RNGTT: variants seen among roughly 807,000 people sequenced by gnomAD.
RNGTT encodes mRNA-capping enzyme.
A neutral mutation model predicts 79.3 loss-of-function variants in RNGTT; 33 were observed. That is an observed-to-expected ratio of 0.42 (90% confidence interval 0.32 to 0.56). The LOEUF (loss-of-function observed/expected upper bound fraction) is 0.56, where lower values mean the gene tolerates loss of function less well. Ranked by LOEUF, RNGTT falls within the 20% of genes least tolerant of loss-of-function variation. The probability of loss-of-function intolerance (pLI) is 0.17; values close to 1 mark genes in which losing one functional copy is unlikely to be tolerated. For synonymous variants in RNGTT, 222 were observed against 235.9 expected (o/e 0.94, Z 0.54); for missense variants, 497 against 739.1 (o/e 0.67, Z 3.80).
intron 14 of RNGTT, 97 bp from the exon 15 acceptor site, chr6:88,614,492 TC>T (rs1772148599): frequency 8.8e-7 from 1 of 1,137,908 alleles, no homozygotes; most frequent in Admixed American, 2.0e-5. Flanking sequence ...TAAAAATACC[TC>T]AGTAACTCTT....
chr6:88,798,381 C>G (rs1030657505), intron 12 of RNGTT, among the ~76,000 whole-genome samples: 1 of 151,840 alleles, frequency 6.6e-6, no homozygotes, highest in African/African-American at 2.4e-5. Context: ...GCGAGGATTG[C>G]TTGAACCCAG....
intron 8 of RNGTT, among the ~76,000 whole-genome samples, chr6:88,871,440 G>A (rs1211257528): frequency 6.6e-6 from 1 of 151,778 alleles, no homozygotes; most frequent in East Asian, 1.9e-4. Context: ...TTAACCTCAA[G>A]AGATGGAGCT....
chr6:88,625,847 G>T (rs1772610543), intron 14 of RNGTT, among the ~76,000 whole-genome samples: 1 of 151,862 alleles, frequency 6.6e-6, no homozygotes, highest in African/African-American at 2.4e-5. Context: ...AGCACTAAAT[G>T]ACATAGCCCT....
At chr6:88,769,612 C>G (rs577586180) in intron 13 of RNGTT, among the ~76,000 whole-genome samples, 162 bp downstream of exon 13, 1 of 151,870 alleles carries the variant, frequency 6.6e-6, no homozygotes, top group Non-Finnish European at 1.5e-5. Flanking sequence ...TCTCTGAAAA[C>G]GAAATTGTTG....
At chr6:88,920,278 A>G (rs1784125458) in intron 4 of RNGTT, among the ~76,000 whole-genome samples, 1 of 152,256 alleles carries the variant, frequency 6.6e-6, no homozygotes, top group African/African-American at 2.4e-5. Flanking sequence ...TAGTATTTGC[A>G]TATGACCTAT....
At chr6:88,672,238 TAC>T (rs1211131649) in intron 14 of RNGTT, among the ~76,000 whole-genome samples, 42 of 150,432 alleles carry the variant, frequency 2.8e-4, no homozygotes, top group African/African-American at 5.2e-4. Flanking sequence ...CACATATATA[TAC>T]ACACACACAC....
intron 14 of RNGTT, among the ~76,000 whole-genome samples, chr6:88,632,971 G>A (rs1240138105): frequency 2.0e-5 from 3 of 152,090 alleles, no homozygotes; most frequent in Non-Finnish European, 4.4e-5. Flanking sequence ...GTCCTGGCTG[G>A]GCAAATGCTC....
chr6:88,669,037 G>A lies in RNGTT; in HGVS notation c.1506+9316C>T, dbSNP rs1185442328. On this transcript the variant is annotated intron_variant, in intron 14 of 15. Coordinates refer to ENST00000369485, the MANE Select transcript of RNGTT (RefSeq NM_003800.5). ...AAAAAGTAATTCATCTTGCACCTCC[G>A]GTAACTGTAACCCATTAGAATTAAT... 3.9e-5 allele frequency among the ~76,000 whole-genome samples: 6 copies of A among 152,070 alleles called. No individual in the cohort carries two copies. The South Asian group carries it at 6.2e-4, about 16-fold the overall frequency.
At chr6:88,730,092 C>T (rs1050424619) in intron 13 of RNGTT, among the ~76,000 whole-genome samples, 1 of 152,044 alleles carries the variant, frequency 6.6e-6, no homozygotes, top group African/African-American at 2.4e-5. Flanking sequence ...ACAACTAAGC[C>T]AAGACATGTT....
intron 13 of RNGTT, among the ~76,000 whole-genome samples, chr6:88,683,805 A>T (rs1208925603): frequency 6.6e-6 from 1 of 152,178 alleles, no homozygotes; most frequent in Admixed American, 6.5e-5. Flanking sequence ...ACTTGAGGCC[A>T]AGAGTTCCAG....
At chr6:88,841,867 C>T (rs1361486842) in intron 11 of RNGTT, among the ~76,000 whole-genome samples, 1 of 152,166 alleles carries the variant, frequency 6.6e-6, no homozygotes, top group Non-Finnish European at 1.5e-5. Flanking sequence ...CTTCTGAATG[C>T]CAAATGTGCC....
At chr6:88,667,000 G>A (rs1327858926) in intron 14 of RNGTT, among the ~76,000 whole-genome samples, 2 of 152,210 alleles carry the variant, frequency 1.3e-5, no homozygotes, top group Admixed American at 1.3e-4. Flanking sequence ...AAATTTTACA[G>A]TTATTAGAAG....
At position 88,903,808 on chromosome 6, in the gene RNGTT, C is replaced by T. The variant is rs117973991; in HGVS notation, c.684+907G>A. On this transcript the variant is annotated intron_variant, in intron 6 of 15. Transcript: ENST00000369485. Reference sequence around the variant, plus strand: ...TTTCATTAACACAATTACCTCCATACTTTCCCTAACTTTTCCCTTTGGCCT... The same window carrying T: ...TTTCATTAACACAATTACCTCCATATTTTCCCTAACTTTTCCCTTTGGCCT... Among the ~76,000 whole-genome samples the T allele has an allele frequency of 7.2e-5, 11 of 152,342 alleles. No homozygotes were observed. The East Asian group carries it at 2.1e-3, about 29-fold the overall frequency.
intron 14 of RNGTT, among the ~76,000 whole-genome samples, chr6:88,668,927 G>C (rs1320793474): frequency 6.6e-6 from 1 of 152,126 alleles, no homozygotes; most frequent in Non-Finnish European, 1.5e-5. Context: ...GGACTATATG[G>C]TATTATTGAA....
chr6:88,697,629 C>T (rs544385984), intron 13 of RNGTT, among the ~76,000 whole-genome samples: 3 of 151,542 alleles, frequency 2.0e-5, no homozygotes, highest in Admixed American at 6.6e-5. Context: ...CTTTGGAGGT[C>T]GAAGTCGGCA....
chr6:88,721,391 C>T (rs1482490106), intron 13 of RNGTT, among the ~76,000 whole-genome samples: 1 of 152,058 alleles, frequency 6.6e-6, no homozygotes, highest in Non-Finnish European at 1.5e-5. Context: ...TCCTTGCCCC[C>T]ACAACTAACC....
chr6:88,632,720 GA>G (rs377649646), intron 14 of RNGTT, among the ~76,000 whole-genome samples: 98 of 151,902 alleles, frequency 6.5e-4, no homozygotes, highest in Non-Finnish European at 1.0e-3. Context: ...AGTCAGGGGG[GA>G]AAAAAATCTC....
intron 10 of RNGTT, among the ~76,000 whole-genome samples, chr6:88,847,327 T>C (rs1269824719): frequency 6.6e-6 from 1 of 151,900 alleles, no homozygotes; most frequent in African/African-American, 2.4e-5. Flanking sequence ...ACTTGACATA[T>C]AAAAGATGAT....
chr6:88,795,654 G>A (rs536724902), intron 12 of RNGTT, among the ~76,000 whole-genome samples: 26 of 151,912 alleles, frequency 1.7e-4, no homozygotes, highest in African/African-American at 5.3e-4. Flanking sequence ...TGCATGTTCC[G>A]CACATGAATC....
Sources: allele counts gnomAD v4.1 joint callset (sites outside exome capture counted in the v4.1 genomes callset), GRCh38; gene constraint gnomAD v4.1.1; transcripts MANE v1.5; gene names NCBI Gene and HGNC (gene_info 2026-07-23, HGNC 2026-07-21).